MEIKIN: variants seen among roughly 807,000 people sequenced by gnomAD.
The protein encoded by MEIKIN is meiosis-specific kinetochore protein.
chr5:131,927,940 T>G (rs1580911274), intron 5 of MEIKIN, among the ~76,000 whole-genome samples: 1 of 151,860 alleles, frequency 6.6e-6, no homozygotes, highest in East Asian at 1.9e-4. Flanking sequence ...GGTCAGGAGA[T>G]CGAGACCATC....
At chr5:131,862,296 C>T (rs958093193) in intron 9 of MEIKIN, among the ~76,000 whole-genome samples, 3 of 152,074 alleles carry the variant, frequency 2.0e-5, no homozygotes, top group African/African-American at 7.2e-5. Flanking sequence ...GTAACGTCTC[C>T]TTTTTCATTC....
chr5:131,864,815 C>A (rs774979681), intron 9 of MEIKIN, among the ~76,000 whole-genome samples: 2 of 152,148 alleles, frequency 1.3e-5, no homozygotes, highest in South Asian at 2.1e-4. Flanking sequence ...GTTTTCAAAC[C>A]CTTTCATTTT....
chr5:131,839,082 T>G (rs1029606991), intron 11 of MEIKIN, among the ~76,000 whole-genome samples: 1 of 152,250 alleles, frequency 6.6e-6, no homozygotes, highest in African/African-American at 2.4e-5. Flanking sequence ...AAAGAACTTC[T>G]TGATTTCTGC....
chr5:131,813,001 A>T (rs1238610061), intron 12 of MEIKIN, among the ~76,000 whole-genome samples: 2 of 152,216 alleles, frequency 1.3e-5, no homozygotes, highest in Non-Finnish European at 2.9e-5. Context: ...GTGCTGTCTG[A>T]CCTACCAAGT....
At chr5:131,888,044 AT>A (rs1010414910) in intron 8 of MEIKIN, among the ~76,000 whole-genome samples, 1 of 142,634 alleles carries the variant, frequency 7.0e-6, no homozygotes, top group Non-Finnish European at 1.5e-5. Flanking sequence ...TGAACTCATC[AT>A]TTTTTATGGC....
chr5:131,826,628 G>C (rs527520894), intron 11 of MEIKIN, among the ~76,000 whole-genome samples: 9 of 152,316 alleles, frequency 5.9e-5, no homozygotes, highest in East Asian at 1.9e-4. Context: ...TGTTGGAAGA[G>C]GGACCTAGTG....
At chr5:131,870,630 G>A (rs1012765967) in intron 9 of MEIKIN, among the ~76,000 whole-genome samples, 16 of 152,110 alleles carry the variant, frequency 1.1e-4, no homozygotes, top group Middle Eastern at 3.2e-3. Context: ...ACACTAAATA[G>A]CATCTTTATC....
intron 10 of MEIKIN, 145 bp downstream of exon 10, chr5:131,854,609 C>T (rs948773056): frequency 7.7e-6 from 3 of 387,416 alleles, no homozygotes; most frequent in Non-Finnish European, 1.4e-5. Context: ...ATACAAAGTA[C>T]TTTCATTGAA....
At chr5:131,894,475 T>C (rs1199134215) in intron 8 of MEIKIN, among the ~76,000 whole-genome samples, 1 of 152,234 alleles carries the variant, frequency 6.6e-6, no homozygotes, top group African/African-American at 2.4e-5. Flanking sequence ...ACTGAATCTA[T>C]AAATTACCTT....
chr5:131,853,198 TAAC>T (rs1423975556), intron 10 of MEIKIN, among the ~76,000 whole-genome samples: 1 of 152,184 alleles, frequency 6.6e-6, no homozygotes, highest in African/African-American at 2.4e-5. Flanking sequence ...TATAAATAAA[TAAC>T]TACTGCACTA....
At chr5:131,858,881 T>C (rs1159964655) in intron 9 of MEIKIN, among the ~76,000 whole-genome samples, 1 of 152,210 alleles carries the variant, frequency 6.6e-6, no homozygotes, top group Non-Finnish European at 1.5e-5. Context: ...TGAAATACCA[T>C]CTCACACCAG....
At chr5:131,923,794 TAA>T (rs1751545606) in intron 5 of MEIKIN, among the ~76,000 whole-genome samples, 2 of 152,020 alleles carry the variant, frequency 1.3e-5, no homozygotes, top group South Asian at 2.1e-4. Flanking sequence ...TTTTTAATTT[TAA>T]AAGTTTAAAC....
chr5:131,837,406 A>G (rs931149553), intron 11 of MEIKIN, among the ~76,000 whole-genome samples: 7 of 152,138 alleles, frequency 4.6e-5, no homozygotes, highest in African/African-American at 1.7e-4. Flanking sequence ...TACCATTGGC[A>G]CTTTGACAGG....
intron 6 of MEIKIN, 76 bp from the exon 7 acceptor site, chr5:131,917,001 C>T (rs1455615560): frequency 2.6e-6 from 1 of 390,404 alleles, no homozygotes; most frequent in African/African-American, 2.1e-5. Flanking sequence ...AATATTTTCC[C>T]CCAAGTGCAG....
intron 8 of MEIKIN, among the ~76,000 whole-genome samples, chr5:131,887,089 T>C (rs1750811357): frequency 6.6e-6 from 1 of 151,978 alleles, no homozygotes; most frequent in Non-Finnish European, 1.5e-5. Context: ...GTATTTGGTT[T>C]TCTGTCCTTG....
At chr5:131,867,879 C>T (rs1750414499) in intron 9 of MEIKIN, among the ~76,000 whole-genome samples, 1 of 152,178 alleles carries the variant, frequency 6.6e-6, no homozygotes, top group Non-Finnish European at 1.5e-5. Flanking sequence ...AATTCATTTG[C>T]ATAAACACTA....
intron 11 of MEIKIN, among the ~76,000 whole-genome samples, chr5:131,843,598 C>T (rs1749957380): frequency 6.6e-6 from 1 of 152,208 alleles, no homozygotes; most frequent in African/African-American, 2.4e-5. Flanking sequence ...CACAATGCTG[C>T]CAGTATATTT....
At chr5:131,817,660 T>G (rs1363410982) in intron 12 of MEIKIN, among the ~76,000 whole-genome samples, 1 of 151,966 alleles carries the variant, frequency 6.6e-6, no homozygotes, top group Non-Finnish European at 1.5e-5. Flanking sequence ...TCCTTTAGGT[T>G]CTGTTTTTCT....
At chr5:131,889,633 C>G (rs558502769) in intron 8 of MEIKIN, among the ~76,000 whole-genome samples, 51 of 152,224 alleles carry the variant, frequency 3.4e-4, no homozygotes, top group African/African-American at 1.1e-3. Context: ...GGGTTTTCTA[C>G]ATATACAATC....
Sources: allele counts gnomAD v4.1 joint callset (sites outside exome capture counted in the v4.1 genomes callset), GRCh38; gene constraint gnomAD v4.1.1; transcripts MANE v1.5; gene names NCBI Gene and HGNC (gene_info 2026-07-23, HGNC 2026-07-21).